The following COG6 variants were observed in gnomAD, a reference collection of about 807,000 sequenced individuals.
The protein encoded by COG6 is conserved oligomeric Golgi complex subunit 6.
In COG6, 74 loss-of-function variants were observed where a neutral mutation model predicts 88.8. The ratio of observed to expected loss-of-function variants is 0.83; its 90% CI spans 0.69 to 1.01. COG6 has a LOEUF of 1.01. Among genes scored for constraint, COG6 ranks in the 50% least tolerant of loss-of-function variants. The pLI is 0.00. For missense variants in COG6, 800 were observed against 797.9 expected (o/e 1.00, Z -0.03); for synonymous variants, 286 against 278.7 (o/e 1.03, Z -0.26).
At chr13:39,693,390 G>A (rs1382401826) in intron 11 of COG6, among the ~76,000 whole-genome samples, 3 of 151,800 alleles carry the variant, frequency 2.0e-5, no homozygotes, top group Non-Finnish European at 4.4e-5. Flanking sequence ...ATTCTGGAAG[G>A]CAGCTGGCCG....
At position 39,780,459 on chromosome 13, in the gene COG6, A is replaced by G. The variant is rs540702944; in HGVS notation, c.1827-7876A>G. 3.9e-5 allele frequency among the ~76,000 whole-genome samples: 6 copies of G among 152,298 alleles called. No individual in the cohort carries two copies. The South Asian group carries it at 1.2e-3, about 32-fold the overall frequency. On this transcript the variant is annotated intron_variant, in intron 18 of 18. Coordinates refer to the COG6 transcript ENST00000416691. ...TCAAAGACAATGTCTGGGGTGAAGT[A>G]ATTTATTAATTTATTAATACAAGAA...
intron 18 of COG6, among the ~76,000 whole-genome samples, chr13:39,778,083 T>C (rs1165382315): frequency 6.6e-6 from 1 of 152,240 alleles, no homozygotes; most frequent in Non-Finnish European, 1.5e-5. Context: ...GAAGTTATCC[T>C]GTCTAAGAGA....
intron 11 of COG6, among the ~76,000 whole-genome samples, chr13:39,691,017 A>G: frequency 6.6e-6 from 1 of 151,962 alleles, no homozygotes; most frequent in East Asian, 1.9e-4. Context: ...TTAAACTCCT[A>G]GTCACTTTGA....
chr13:39,712,424 A>T (rs964895721), intron 13 of COG6, among the ~76,000 whole-genome samples: 4 of 151,120 alleles, frequency 2.6e-5, no homozygotes, highest in Admixed American at 2.6e-4. Context: ...TGGTATTTCA[A>T]AACAATTGAT....
intron 8 of COG6, among the ~76,000 whole-genome samples, chr13:39,682,963 G>T (rs1876402506): frequency 6.6e-6 from 1 of 152,062 alleles, no homozygotes. Flanking sequence ...TACCAAGGTA[G>T]TGCATCCTGC....
At chr13:39,667,488 A>G (rs1264530132) in intron 4 of COG6, among the ~76,000 whole-genome samples, 1 of 152,172 alleles carries the variant, frequency 6.6e-6, no homozygotes, top group Non-Finnish European at 1.5e-5. Context: ...TGATATTGTC[A>G]TTCTGTATTT....
chr13:39,688,568 A>G (rs1443201968), intron 10 of COG6, among the ~76,000 whole-genome samples: 2 of 152,170 alleles, frequency 1.3e-5, no homozygotes, highest in Non-Finnish European at 2.9e-5. Flanking sequence ...CAAGCCATTC[A>G]TGAGAGATGC....
intron 8 of COG6, among the ~76,000 whole-genome samples, chr13:39,683,844 T>C (rs1007210901): frequency 6.6e-6 from 1 of 152,190 alleles, no homozygotes; most frequent in Non-Finnish European, 1.5e-5. Context: ...TATAGTTCTT[T>C]ATCAAAACTT....
chr13:39,661,898 A>G (rs1280087047), intron 3 of COG6, among the ~76,000 whole-genome samples: 1 of 151,364 alleles, frequency 6.6e-6, no homozygotes, highest in African/African-American at 2.4e-5. Flanking sequence ...AAGGTTTTCT[A>G]TATTGTACTT....
chr13:39,755,295 C>T (rs139607498), downstream of COG6, among the ~76,000 whole-genome samples: 6 of 152,104 alleles, frequency 3.9e-5, no homozygotes, highest in South Asian at 2.1e-4. Context: ...GAAAAGAACA[C>T]GCCACATTCA....
At chr13:39,740,668 C>G (rs560036651) in intron 18 of COG6, among the ~76,000 whole-genome samples, 2 of 152,254 alleles carry the variant, frequency 1.3e-5, no homozygotes, top group African/African-American at 4.8e-5. Flanking sequence ...TGACACTTAT[C>G]TGAAATATGT....
At chr13:39,762,032 T>A (rs768596952) in intron 18 of COG6, among the ~76,000 whole-genome samples, 6 of 151,856 alleles carry the variant, frequency 4.0e-5, no homozygotes, top group Non-Finnish European at 7.4e-5. Context: ...AAGGGAATTA[T>A]GGATATGTTG....
chr13:39,737,198 T>G (rs914680622), intron 18 of COG6, among the ~76,000 whole-genome samples: 1 of 152,126 alleles, frequency 6.6e-6, no homozygotes, highest in African/African-American at 2.4e-5. Flanking sequence ...CTGAGCTGCC[T>G]CGGAGCTGGG....
At chr13:39,767,565 G>C (rs1461278560) in intron 18 of COG6, among the ~76,000 whole-genome samples, 1 of 152,178 alleles carries the variant, frequency 6.6e-6, no homozygotes, top group African/African-American at 2.4e-5. Flanking sequence ...TAGCAAAGAA[G>C]GGCGTTCTCT....
intron 13 of COG6, among the ~76,000 whole-genome samples, chr13:39,701,436 C>T (rs1566186114): frequency 6.6e-6 from 1 of 151,680 alleles, no homozygotes; most frequent in Non-Finnish European, 1.5e-5. Context: ...GATGAAGTCA[C>T]TAGGAATAAT....
At chr13:39,724,713 T>G in intron 17 of COG6, 152 bp downstream of exon 17, 1 of 674,288 alleles carries the variant, frequency 1.5e-6, no homozygotes, top group Non-Finnish European at 2.6e-6. Flanking sequence ...TGAGCCTGTA[T>G]TACTTTAATT....
chr13:39,764,086 G>C (rs537925003), intron 18 of COG6, among the ~76,000 whole-genome samples: 1 of 151,814 alleles, frequency 6.6e-6, no homozygotes, highest in Admixed American at 6.6e-5. Flanking sequence ...CTAAATAGAC[G>C]TAAAACTGTT....
chr13:39,754,012 T>A (rs79015602), downstream of COG6, among the ~76,000 whole-genome samples: 1,965 of 152,318 alleles, frequency 0.013, 52 homozygotes, highest in African/African-American at 0.044. Flanking sequence ...CAGATTCTTC[T>A]GTATCTCTAT....
chr13:39,666,497 G>A (rs1323278552), intron 4 of COG6, among the ~76,000 whole-genome samples: 1 of 152,146 alleles, frequency 6.6e-6, no homozygotes, highest in Non-Finnish European at 1.5e-5. Flanking sequence ...AATATTATGG[G>A]TCATAATCAA....
Sources: allele counts gnomAD v4.1 joint callset (sites outside exome capture counted in the v4.1 genomes callset), GRCh38; gene constraint gnomAD v4.1.1; transcripts MANE v1.5; gene names NCBI Gene and HGNC (gene_info 2026-07-23, HGNC 2026-07-21).